CYREN: variants seen among roughly 807,000 people sequenced by gnomAD.
CYREN encodes cell cycle regulator of non-homologous end joining.
In CYREN, 7 loss-of-function variants were observed where a neutral mutation model predicts 9.7. The ratio of observed to expected loss-of-function variants is 0.72; its 90% CI spans 0.41 to 1.36. The LOEUF is 1.36. CYREN is among the 40% of genes most tolerant of loss of function. The probability of loss-of-function intolerance (pLI) is 0.01; values close to 1 mark genes in which losing one functional copy is unlikely to be tolerated. For missense variants in CYREN, 215 were observed against 198.1 expected, an observed-to-expected ratio of 1.09 and a Z score of -0.51; for synonymous variants, 76 against 77.9, an observed-to-expected ratio of 0.98 and a Z score of 0.13.
Position 135,151,565 on chromosome 7 carries a change from T to C in CYREN, n.356+17184A>G, listed in dbSNP as rs1829667348. On this transcript the variant is annotated intron_variant and non_coding_transcript_variant, in intron 2 of 2. Coordinates refer to the CYREN transcript ENST00000459937. This position sits in a 1 kb window ranked among gnomAD's most constrained non-coding sequence, Gnocchi z 4.3. ...TTCAGGCGACACACCCAACCATGTC[T>C]ACCTGACTCTCCGTCAATTCCCGTT... Among the ~76,000 whole-genome samples the C allele has an allele frequency of 6.6e-6, 1 of 152,206 alleles. No homozygotes were observed. Among genetic ancestry groups the C allele is most frequent in the Admixed American group, 6.5e-5 (1 of 15,274 alleles).
chr7:135,169,022 C>G lies in CYREN; in HGVS notation c.-100G>C, dbSNP rs1830450040. The G allele has an allele frequency of 1.7e-6, 2 of 1,188,316 alleles. No homozygotes were observed. The highest frequency in any genetic ancestry group is 5.3e-5 in the East Asian group (2 of 38,078). 73.6% of individuals were successfully genotyped at this position (1,188,316 alleles called of 1,614,324 possible). On this transcript the variant is annotated 5_prime_UTR_variant, in exon 2 of 4. Coordinates refer to ENST00000393114, the MANE Select transcript of CYREN (RefSeq NM_024033.4). ...CGTTCTCTCGTCACACCCGGAATTA[C>G]AGGTCCATTTGTCCTCAGTGGGAGT...
intron 2 of CYREN, among the ~76,000 whole-genome samples, chr7:135,109,907 C>T (rs1445586909): frequency 6.6e-6 from 1 of 152,198 alleles, no homozygotes. Context: ...ACCAGGGAGG[C>T]TCTGAACCAC....
At chr7:135,106,050 T>C (rs563966553) in intron 2 of CYREN, among the ~76,000 whole-genome samples, 1 of 152,320 alleles carries the variant, frequency 6.6e-6, no homozygotes, top group South Asian at 2.1e-4. Flanking sequence ...CTGTTGTTGG[T>C]ATATAGGAAT....
chr7:135,141,091 TC>T (rs1829445001), intron 2 of CYREN, among the ~76,000 whole-genome samples: 1 of 152,018 alleles, frequency 6.6e-6, no homozygotes, highest in Admixed American at 6.6e-5. Flanking sequence ...TAGAGAGGAG[TC>T]CCCACTCCTT....
downstream of CYREN, among the ~76,000 whole-genome samples, chr7:135,163,766 CATCTT>C (rs1458579722): frequency 1.3e-5 from 2 of 152,350 alleles, no homozygotes; most frequent in African/African-American, 2.4e-5. Flanking sequence ...CACCAGGTGA[CATCTT>C]GTCTTGACCC....
intron 2 of CYREN, among the ~76,000 whole-genome samples, chr7:135,149,973 C>A (rs893952274): frequency 2.0e-5 from 3 of 152,098 alleles, no homozygotes; most frequent in Middle Eastern, 3.2e-3. Flanking sequence ...GAATAGAAAT[C>A]TTTATTTTAG....
intron 2 of CYREN, among the ~76,000 whole-genome samples, chr7:135,110,811 A>G (rs1296788350): frequency 1.3e-5 from 2 of 152,178 alleles, no homozygotes; most frequent in Admixed American, 6.5e-5. Context: ...CAATGTCCTT[A>G]AAACTCGTTT....
chr7:135,143,660 A>C (rs1002266940), intron 2 of CYREN, among the ~76,000 whole-genome samples: 7 of 152,192 alleles, frequency 4.6e-5, no homozygotes, highest in Admixed American at 4.6e-4. Context: ...AATTTAAAAA[A>C]AAAATGGGCA....
At chr7:135,095,572 G>A (rs1822541017) in intron 2 of CYREN, among the ~76,000 whole-genome samples, 1 of 152,080 alleles carries the variant, frequency 6.6e-6, no homozygotes, top group African/African-American at 2.4e-5. Flanking sequence ...ACCAACAAAA[G>A]ATTTTAAAGC....
intron 2 of CYREN, chr7:135,128,356 C>T (rs1437245600): frequency 8.5e-5 from 15 of 177,480 alleles, no homozygotes; most frequent in Non-Finnish European, 2.2e-5. Flanking sequence ...CATTTGTAAA[C>T]TGTCATGGCC....
intron 2 of CYREN, among the ~76,000 whole-genome samples, chr7:135,095,609 G>C (rs61222511): frequency 2.0e-5 from 3 of 152,100 alleles, no homozygotes; most frequent in African/African-American, 4.8e-5. Context: ...AAATACAAAA[G>C]CCATATGTTA....
intron 2 of CYREN, among the ~76,000 whole-genome samples, chr7:135,096,584 CATAGATAG>C (rs71172496): frequency 3.0e-4 from 27 of 88,856 alleles, no homozygotes; most frequent in African/African-American, 1.1e-3. Context: ...TAGATAGATA[CATAGATAG>C]ATAGATAGAT....
intron 2 of CYREN, among the ~76,000 whole-genome samples, chr7:135,139,014 T>G (rs1829405096): frequency 6.6e-6 from 1 of 152,146 alleles, no homozygotes; most frequent in African/African-American, 2.4e-5. Context: ...TCTAGGTTAA[T>G]TCTATGTCTT....
In CYREN at chr7:135,094,113, A is replaced by G. The variant is rs1055578177; in HGVS notation, n.826T>C. On this transcript the variant is annotated non_coding_transcript_exon_variant, in exon 3 of 3. Transcript: ENST00000459937. Reference sequence around the variant, plus strand: ...AAAAATAATAAAAAATGGATCACAGAAACAAATGTAGGAGTTAAAACTACT... The same window carrying G: ...AAAAATAATAAAAAATGGATCACAGGAACAAATGTAGGAGTTAAAACTACT... 1.1e-5 allele frequency: 3 copies of G among 284,276 alleles called. No homozygotes were observed. The East Asian group carries it at 3.0e-4, about 29-fold the overall frequency. The allele number at this position is 284,276 out of a possible 1,614,324, so 17.6% of individuals were successfully genotyped here.
intron 2 of CYREN, among the ~76,000 whole-genome samples, chr7:135,133,248 G>A (rs1829046122): frequency 6.6e-6 from 1 of 152,180 alleles, no homozygotes; most frequent in Admixed American, 6.5e-5. Flanking sequence ...GGGTTTCTAT[G>A]CTGAAAAGTA....
intron 2 of CYREN, among the ~76,000 whole-genome samples, chr7:135,110,140 T>G (rs980729716): frequency 6.6e-6 from 1 of 152,006 alleles, no homozygotes; most frequent in Non-Finnish European, 1.5e-5. Context: ...ACACTGCTAC[T>G]AGTGGCTGGC....
chr7:135,170,796 C>T (rs1173577795), upstream of CYREN: 1 of 152,134 alleles, frequency 6.6e-6, no homozygotes, highest in African/African-American at 2.4e-5. Flanking sequence ...ACTCCCGGCC[C>T]CCTCGCAGTC....
intron 2 of CYREN, among the ~76,000 whole-genome samples, chr7:135,160,062 A>G (rs1829889240): frequency 6.6e-6 from 1 of 152,254 alleles, no homozygotes; most frequent in East Asian, 1.9e-4. Flanking sequence ...ATGTTTAGGA[A>G]CCATTTCTAG....
At chr7:135,169,932 G>A (rs1035510336) in intron 1 of CYREN, among the ~76,000 whole-genome samples, 2 of 152,148 alleles carry the variant, frequency 1.3e-5, no homozygotes, top group Non-Finnish European at 2.9e-5. Context: ...TAACCTGCCC[G>A]GCCATGGGGC....
Sources: allele counts gnomAD v4.1 joint callset (sites outside exome capture counted in the v4.1 genomes callset), GRCh38; gene constraint gnomAD v4.1.1; non-coding constraint Gnocchi (gnomAD v3.1); transcripts MANE v1.5; gene names NCBI Gene and HGNC (gene_info 2026-07-23, HGNC 2026-07-21).